Variants in C12orf42 observed in about 807,000 individuals in gnomAD.
The protein encoded by C12orf42 is uncharacterized protein C12orf42.
In C12orf42, 25 loss-of-function variants were observed where a neutral mutation model predicts 21.6. That is an observed-to-expected ratio of 1.16 (90% CI 0.84 to 1.62). The LOEUF is 1.62. Ranked by LOEUF, C12orf42 falls within the 40% of genes most tolerant of loss-of-function variation. The pLI, the probability that C12orf42 is intolerant of heterozygous loss-of-function variation, is 0.00. For missense variants in C12orf42, 483 were observed against 459.3 expected, an observed-to-expected ratio of 1.05 and a Z score of -0.47; for synonymous variants, 174 against 175.0, an observed-to-expected ratio of 0.99 and a Z score of 0.05.
At chr12:103,088,091 A>G in the C12orf42 span, among the ~76,000 whole-genome samples, 1 of 152,250 alleles carries the variant, frequency 6.6e-6, no homozygotes, top group Non-Finnish European at 1.5e-5. Flanking sequence ...GAGCAAAGCA[A>G]CTGGGATAGA....
intron 2 of C12orf42, among the ~76,000 whole-genome samples, chr12:103,459,667 G>A: frequency 6.6e-6 from 1 of 152,144 alleles, no homozygotes; most frequent in East Asian, 1.9e-4. Flanking sequence ...TGCAAAAATG[G>A]CCTAACACAA....
intron 2 of C12orf42, among the ~76,000 whole-genome samples, chr12:103,404,109 T>A (rs2048244733): frequency 6.6e-6 from 1 of 152,218 alleles, no homozygotes; most frequent in Non-Finnish European, 1.5e-5. Context: ...TGCATTCTGA[T>A]TATCTTGGTT....
At chr12:103,455,322 C>T (rs183893959) in intron 2 of C12orf42, among the ~76,000 whole-genome samples, 1 of 152,104 alleles carries the variant, frequency 6.6e-6, no homozygotes, top group Non-Finnish European at 1.5e-5. Flanking sequence ...GTTTGTAAAG[C>T]CATGGCTCTT....
downstream of C12orf42, among the ~76,000 whole-genome samples, chr12:103,299,858 A>G (rs533051426): frequency 1.6e-4 from 24 of 152,332 alleles, no homozygotes; most frequent in African/African-American, 5.5e-4. Context: ...CATGACGATG[A>G]CAGAGTTGAA....
At chr12:103,128,485 T>C in the C12orf42 span, among the ~76,000 whole-genome samples, 2 of 152,310 alleles carry the variant, frequency 1.3e-5, no homozygotes, top group African/African-American at 2.4e-5. Context: ...TTTATTTTTA[T>C]TTATTTTTGA....
chr12:103,384,667 C>T (rs1469392964), intron 3 of C12orf42, among the ~76,000 whole-genome samples: 2 of 152,122 alleles, frequency 1.3e-5, no homozygotes, highest in Non-Finnish European at 2.9e-5. Flanking sequence ...CAATCAGAGA[C>T]TAAAGAGCAG....
chr12:103,453,832 C>T (rs1334145148), intron 2 of C12orf42, among the ~76,000 whole-genome samples: 2 of 152,054 alleles, frequency 1.3e-5, no homozygotes, highest in African/African-American at 2.4e-5. Context: ...CACACAATGG[C>T]TTATCTCTTA....
intron 3 of C12orf42, among the ~76,000 whole-genome samples, chr12:103,381,978 A>G (rs1465596017): frequency 6.6e-6 from 1 of 152,196 alleles, no homozygotes; most frequent in African/African-American, 2.4e-5. Flanking sequence ...TACAGTGAAG[A>G]TAATAATAGT....
chr12:103,524,503 A>G, the C12orf42 span, among the ~76,000 whole-genome samples: 1 of 152,162 alleles, frequency 6.6e-6, no homozygotes, highest in African/African-American at 2.4e-5. Flanking sequence ...GCACAGCTAA[A>G]CCCTGGGCAA....
chr12:103,561,825 C>T, the C12orf42 span, among the ~76,000 whole-genome samples: 3 of 152,226 alleles, frequency 2.0e-5, no homozygotes, highest in Admixed American at 6.5e-5. Flanking sequence ...GATATTACTA[C>T]ACTAGATGAT....
downstream of C12orf42, chr12:103,237,480 A>G (rs1246933420): frequency 6.6e-6 from 1 of 152,200 alleles, no homozygotes; most frequent in African/African-American, 2.4e-5. Context: ...TAGACATAAT[A>G]CTGAATGTAT....
At chr12:103,245,820 G>A (rs913810047) in intron 10 of C12orf42, among the ~76,000 whole-genome samples, 10 of 152,174 alleles carry the variant, frequency 6.6e-5, no homozygotes, top group Middle Eastern at 3.4e-3. Context: ...TATTGGACCA[G>A]GCAGTCTGTT....
In C12orf42 at chr12:103,344,541, T is replaced by C. The variant is rs17033730; in HGVS notation, c.259+24346A>G. On this transcript the variant is annotated intron_variant, in intron 4 of 5. Transcript: ENST00000548883. ...TGCCTATATACCCATCTTAGAGAAA[T>C]TGACCCACCCATAGCCTGGTACCAT... Among the ~76,000 whole-genome samples, 1,970 of 152,172 alleles carry C rather than the reference T, an allele frequency of 0.013. 126 individuals are homozygous for C. The East Asian group carries it at 0.22, about 17-fold the overall frequency.
chr12:103,283,977 T>A (rs1482623372), intron 4 of C12orf42, among the ~76,000 whole-genome samples: 1 of 152,190 alleles, frequency 6.6e-6, no homozygotes, highest in African/African-American at 2.4e-5. Context: ...AAAAATAGCA[T>A]GAAAGCACTC....
chr12:103,483,461 T>C (rs958458452), intron 1 of C12orf42, among the ~76,000 whole-genome samples: 11 of 152,158 alleles, frequency 7.2e-5, no homozygotes, highest in African/African-American at 2.7e-4. Flanking sequence ...CCATTTTAAA[T>C]TAAATTCTCC....
the C12orf42 span, among the ~76,000 whole-genome samples, chr12:103,199,488 C>T: frequency 6.6e-6 from 1 of 152,128 alleles, no homozygotes; most frequent in African/African-American, 2.4e-5. Context: ...AAGTCTTCCT[C>T]ACAGCCAAGA....
At chr12:103,381,982 TAA>T (rs1288426690) in intron 3 of C12orf42, among the ~76,000 whole-genome samples, 1 of 152,150 alleles carries the variant, frequency 6.6e-6, no homozygotes, top group Non-Finnish European at 1.5e-5. Context: ...GTGAAGATAA[TAA>T]TAGTCTCTAC....
the C12orf42 span, among the ~76,000 whole-genome samples, chr12:103,180,298 A>C: frequency 6.6e-6 from 1 of 152,194 alleles, no homozygotes; most frequent in African/African-American, 2.4e-5. Context: ...ATTAGGTGGC[A>C]AGTAGGAAAA....
chr12:103,145,057 A>T, the C12orf42 span, among the ~76,000 whole-genome samples: 1 of 152,260 alleles, frequency 6.6e-6, no homozygotes, highest in Non-Finnish European at 1.5e-5. Context: ...TTTTCCCATG[A>T]CTACACACAA....
Sources: gnomAD v4.1 joint callset for allele counts (sites outside exome capture counted in the v4.1 genomes callset) on GRCh38, gnomAD v4.1.1 for gene constraint, MANE v1.5 for transcripts, NCBI Gene and HGNC (gene_info 2026-07-23, HGNC 2026-07-21) for gene names.